PDZRN3: variants seen among roughly 807,000 people sequenced by gnomAD.
The protein encoded by PDZRN3 is E3 ubiquitin-protein ligase PDZRN3.
PDZRN3 carries 38 observed loss-of-function variants against 85.7 expected under a neutral mutation model. The ratio of observed to expected loss-of-function variants is 0.44; its 90% CI spans 0.34 to 0.58. The LOEUF (loss-of-function observed/expected upper bound fraction) is 0.58, where lower values mean the gene tolerates loss of function less well. Among genes scored for constraint, PDZRN3 ranks in the 20% least tolerant of loss-of-function variants. PDZRN3 has a pLI of 0.01. For missense variants in PDZRN3, 1,629 were observed against 1,506.4 expected (o/e 1.08, Z -1.35); for synonymous variants, 759 against 638.0 (o/e 1.19, Z -2.86).
At chr3:73,424,108 AGT>A (rs1702258173) in intron 3 of PDZRN3, among the ~76,000 whole-genome samples, 1 of 152,184 alleles carries the variant, frequency 6.6e-6, no homozygotes, top group Non-Finnish European at 1.5e-5. Context: ...GGAAAATATA[AGT>A]AAATATCTTT....
intron 6 of PDZRN3, among the ~76,000 whole-genome samples, chr3:73,390,799 G>A (rs1040649971): frequency 6.6e-6 from 1 of 152,084 alleles, no homozygotes; most frequent in African/African-American, 2.4e-5. Flanking sequence ...TTTTATGGCT[G>A]ATTTGCAGGC....
chr3:73,447,385 C>G (rs1702771999), intron 3 of PDZRN3, among the ~76,000 whole-genome samples: 1 of 152,070 alleles, frequency 6.6e-6, no homozygotes, highest in Admixed American at 6.6e-5. Context: ...AGAGGTTTCT[C>G]AAGACATTCT....
In PDZRN3 at chr3:73,383,941, C is replaced by A; in HGVS notation, c.2625G>T (p.Ala875=). 1 of 1,604,864 alleles carries A rather than the reference C, an allele frequency of 6.2e-7. No homozygotes were observed. The highest frequency in any genetic ancestry group is 8.5e-7 in the Non-Finnish European group (1 of 1,175,972). The change falls in exon 10 of 10, where the codon GCG becomes GCT. Residue 875 remains alanine, a synonymous_variant. Coordinates refer to ENST00000263666, the MANE Select transcript of PDZRN3 (RefSeq NM_015009.3). ...HSPYKHAHIP[A]HAQHYQSYMQ... Reference sequence around the variant, plus strand: ...TGTAGCTCTGGTAGTGCTGGGCGTGCGCCGGGATGTGCGCGTGCTTGTATG... The same window carrying A: ...TGTAGCTCTGGTAGTGCTGGGCGTGAGCCGGGATGTGCGCGTGCTTGTATG...
At chr3:73,587,882 C>A (rs1702299863) in intron 3 of PDZRN3, among the ~76,000 whole-genome samples, 1 of 152,180 alleles carries the variant, frequency 6.6e-6, no homozygotes, top group Admixed American at 6.6e-5. Flanking sequence ...CAATCTCTAA[C>A]CCATCTGCTT....
intron 3 of PDZRN3, among the ~76,000 whole-genome samples, chr3:73,552,005 T>A (rs1701571460): frequency 6.6e-6 from 1 of 152,180 alleles, no homozygotes; most frequent in African/African-American, 2.4e-5. Context: ...AAGTGACTGA[T>A]TCCTATGACC....
chr3:73,563,509 A>G (rs1483541840), intron 3 of PDZRN3, among the ~76,000 whole-genome samples: 1 of 152,176 alleles, frequency 6.6e-6, no homozygotes, highest in African/African-American at 2.4e-5. Context: ...GACTTTGCTG[A>G]TAATTTGGAA....
At chr3:73,401,075 A>C (rs1701739491) in intron 4 of PDZRN3, 66 bp from the exon 5 acceptor site, 1 of 1,192,762 alleles carries the variant, frequency 8.4e-7, no homozygotes, top group Non-Finnish European at 1.3e-6. Context: ...TCTTACACCC[A>C]TTGTCAGGCC....
In PDZRN3 at chr3:73,554,353, GACACACAC is replaced by G. The variant is rs35130068; in HGVS notation, c.918+47993_918+48000del. Among the ~76,000 whole-genome samples, 146 of 147,664 alleles carry G rather than the reference GACACACAC, an allele frequency of 9.9e-4. 2 individuals are homozygous for G. Among genetic ancestry groups the G allele is most frequent in the East Asian group, 5.0e-3 (25 of 4,970 alleles). On this transcript the variant is annotated intron_variant, in intron 3 of 9. Coordinates refer to ENST00000263666, the MANE Select transcript of PDZRN3 (RefSeq NM_015009.3). Reference sequence around the variant, plus strand: ...ATATCTCACAGGATTGTTGAGAGAAGACACACACACACACACACACACACACACACACT... The same window carrying G: ...ATATCTCACAGGATTGTTGAGAGAAGACACACACACACACACACACACACT...
intron 1 of PDZRN3, among the ~76,000 whole-genome samples, chr3:73,610,951 T>C (rs1702676304): frequency 6.6e-6 from 1 of 152,182 alleles, no homozygotes; most frequent in African/African-American, 2.4e-5. Context: ...CAACCAATCT[T>C]AAAAATTGCA....
chr3:73,432,260 A>G (rs2106802187), intron 3 of PDZRN3, among the ~76,000 whole-genome samples: 1 of 152,284 alleles, frequency 6.6e-6, no homozygotes, highest in East Asian at 1.9e-4. Flanking sequence ...ATGATCACAC[A>G]AGGGATGGGG....
chr3:73,417,797 T>C (rs1285265506), intron 3 of PDZRN3, among the ~76,000 whole-genome samples: 1 of 151,672 alleles, frequency 6.6e-6, no homozygotes, highest in Non-Finnish European at 1.5e-5. Flanking sequence ...GAGACAACTT[T>C]TATCAGTAGA....
intron 3 of PDZRN3, chr3:73,433,552 A>G: frequency 1.2e-6 from 1 of 857,932 alleles, no homozygotes; most frequent in Non-Finnish European, 1.8e-6. Flanking sequence ...AAAAACACAC[A>G]TAAAAATCCC....
intron 3 of PDZRN3, among the ~76,000 whole-genome samples, chr3:73,587,256 A>G (rs1702290917): frequency 5.9e-5 from 9 of 152,344 alleles, no homozygotes; most frequent in Admixed American, 5.9e-4. Context: ...GTAAGGGTAA[A>G]TATCTCGCAT....
chr3:73,549,535 C>T (rs1440614295), intron 3 of PDZRN3, among the ~76,000 whole-genome samples: 1 of 152,166 alleles, frequency 6.6e-6, no homozygotes, highest in South Asian at 2.1e-4. Context: ...GCAGCAAGTA[C>T]ACTCCTGGTA....
intron 3 of PDZRN3, among the ~76,000 whole-genome samples, chr3:73,449,436 T>C (rs912339340): frequency 1.3e-5 from 2 of 151,724 alleles, no homozygotes; most frequent in African/African-American, 4.8e-5. Context: ...TTTACATTCA[T>C]AGGGAAATGA....
chr3:73,563,501 C>T (rs1013692616), intron 3 of PDZRN3, among the ~76,000 whole-genome samples: 8 of 152,108 alleles, frequency 5.3e-5, no homozygotes, highest in African/African-American at 1.7e-4. Context: ...TTCTGCATGA[C>T]TTTGCTGATA....
chr3:73,533,776 G>T lies in PDZRN3; in HGVS notation c.918+68578C>A, dbSNP rs187241637. ...AAATCAGCTATAGGTGTGTTACTGG[G>T]TGTTCCACTCTGCATTTTGTGTTCC... On this transcript the variant is annotated intron_variant, in intron 3 of 9. Transcript: ENST00000263666. Among the ~76,000 whole-genome samples, 359 of 152,198 alleles carry T rather than the reference G, an allele frequency of 2.4e-3. 2 individuals carry two copies. Among genetic ancestry groups the T allele is most frequent in the African/African-American group, 8.4e-3 (349 of 41,542 alleles).
intron 3 of PDZRN3, among the ~76,000 whole-genome samples, chr3:73,415,992 A>C: frequency 6.6e-6 from 1 of 152,026 alleles, no homozygotes; most frequent in Non-Finnish European, 1.5e-5. Flanking sequence ...ACCAAAAAAA[A>C]AAAAAAAAAA....
At chr3:73,517,211 G>T (rs1704271584) in intron 3 of PDZRN3, among the ~76,000 whole-genome samples, 1 of 152,196 alleles carries the variant, frequency 6.6e-6, no homozygotes, top group Non-Finnish European at 1.5e-5. Context: ...TCCTAGCCCT[G>T]TGACTTTGGC....
Sources: allele counts gnomAD v4.1 joint callset (sites outside exome capture counted in the v4.1 genomes callset), GRCh38; gene constraint gnomAD v4.1.1; transcripts MANE v1.5; gene names NCBI Gene and HGNC (gene_info 2026-07-23, HGNC 2026-07-21).